AMPH: variants seen among roughly 807,000 people sequenced by gnomAD.
The protein encoded by AMPH is amphiphysin, also known as amphiphysin (Stiff-Mann syndrome with breast cancer 128kD autoantigen).
Under a neutral mutation model 99.1 loss-of-function variants are expected in AMPH, and 49 were observed. That is an observed-to-expected ratio of 0.49 (90% confidence interval 0.39 to 0.63). The LOEUF is 0.63. AMPH is among the 20% of genes least tolerant of loss of function. AMPH has a pLI of 0.00. For missense variants in AMPH, 759 were observed against 863.4 expected (o/e 0.88, Z 1.52); for synonymous variants, 314 against 317.3 (o/e 0.99, Z 0.11).
At chr7:38,615,650 T>C (rs1486966029) in intron 1 of AMPH, among the ~76,000 whole-genome samples, 1 of 152,182 alleles carries the variant, frequency 6.6e-6, no homozygotes, top group Non-Finnish European at 1.5e-5. Context: ...ACAGTCCTTA[T>C]GCCCCACTGA....
chr7:38,627,387 CAA>C (rs70977419), intron 1 of AMPH, among the ~76,000 whole-genome samples: 3 of 116,932 alleles, frequency 2.6e-5, no homozygotes, highest in Non-Finnish European at 3.4e-5. Flanking sequence ...ACTAAAAATA[CAA>C]AAAAAAAAAA....
In AMPH at chr7:38,428,383, A is replaced by C. The variant is rs917141161; in HGVS notation, c.1183-1397T>G. On this transcript the variant is annotated intron_variant, in intron 14 of 20. Transcript: ENST00000356264. ...AGTGAACTTTCTGCCTTACATGAAC[A>C]TAAATCTCTTCTGTTTGCATCTCTT... The C allele has an allele frequency of 1.3e-5, 6 of 456,568 alleles. No individual in the cohort carries two copies. The Admixed American group carries it at 1.4e-4, about 11-fold the overall frequency. 28.3% of individuals were successfully genotyped at this position (456,568 alleles called of 1,614,324 possible).
At chr7:38,459,688 T>C (rs1306619971) in intron 11 of AMPH, among the ~76,000 whole-genome samples, 1 of 151,934 alleles carries the variant, frequency 6.6e-6, no homozygotes, top group Non-Finnish European at 1.5e-5. Context: ...TATATAAAAA[T>C]CAACTTAAGA....
intron 17 of AMPH, among the ~76,000 whole-genome samples, chr7:38,396,559 G>A (rs73348834): frequency 0.021 from 3,164 of 152,300 alleles, 94 homozygotes; most frequent in African/African-American, 0.072. Flanking sequence ...CTCATGAATT[G>A]TAACAGACAC....
chr7:38,544,742 A>C (rs1790932439), intron 1 of AMPH, among the ~76,000 whole-genome samples: 1 of 152,224 alleles, frequency 6.6e-6, no homozygotes, highest in Admixed American at 6.5e-5. Flanking sequence ...GGAGGATACC[A>C]ACTCTAGGAA....
At chr7:38,405,908 G>A (rs1212742691) in intron 17 of AMPH, among the ~76,000 whole-genome samples, 1 of 152,060 alleles carries the variant, frequency 6.6e-6, no homozygotes, top group Non-Finnish European at 1.5e-5. Flanking sequence ...CCCAACAACT[G>A]CAGAATATAC....
intron 1 of AMPH, among the ~76,000 whole-genome samples, chr7:38,536,886 T>A (rs1374399054): frequency 6.6e-6 from 1 of 152,088 alleles, no homozygotes; most frequent in Non-Finnish European, 1.5e-5. Flanking sequence ...TTGATAAACA[T>A]AAGAAACATG....
intron 17 of AMPH, among the ~76,000 whole-genome samples, chr7:38,402,056 T>G (rs1328086800): frequency 6.6e-6 from 1 of 152,186 alleles, no homozygotes; most frequent in African/African-American, 2.4e-5. Context: ...TTCTCTATAG[T>G]GTTGCTTCTC....
intron 20 of AMPH, among the ~76,000 whole-genome samples, chr7:38,385,676 A>G (rs1784331813): frequency 6.6e-6 from 1 of 151,950 alleles, no homozygotes; most frequent in Non-Finnish European, 1.5e-5. Flanking sequence ...TGTCATATAG[A>G]AGTGCCATCA....
chr7:38,393,062 C>T (rs79876787), intron 18 of AMPH, among the ~76,000 whole-genome samples: 2,075 of 152,280 alleles, frequency 0.014, 52 homozygotes, highest in African/African-American at 0.048. Flanking sequence ...AGAGCACTAA[C>T]ATTCGTCAAC....
intron 5 of AMPH, among the ~76,000 whole-genome samples, chr7:38,486,840 C>G (rs550697458): frequency 2.6e-5 from 4 of 152,078 alleles, no homozygotes; most frequent in Non-Finnish European, 4.4e-5. Flanking sequence ...ATAATCCTTT[C>G]AGTAGATGTA....
intron 13 of AMPH, among the ~76,000 whole-genome samples, chr7:38,431,130 C>T (rs144592198): frequency 2.0e-5 from 3 of 152,276 alleles, no homozygotes; most frequent in East Asian, 3.9e-4. Context: ...CCAATGAGAC[C>T]ACCACAAAGC....
chr7:38,624,169 C>T (rs1394020298), intron 1 of AMPH, among the ~76,000 whole-genome samples: 1 of 152,088 alleles, frequency 6.6e-6, no homozygotes, highest in African/African-American at 2.4e-5. Context: ...AAAGGCAAAT[C>T]AGTACATCGT....
At chr7:38,406,713 C>T (rs796802457) in intron 17 of AMPH, among the ~76,000 whole-genome samples, 2,843 of 110,338 alleles carry the variant, frequency 0.026, 63 homozygotes, top group East Asian at 0.11. Context: ...TCTCTCCTCT[C>T]CTCTCTCTCT....
chr7:38,620,636 A>G (rs1584315070), intron 1 of AMPH, among the ~76,000 whole-genome samples: 1 of 151,838 alleles, frequency 6.6e-6, no homozygotes, highest in African/African-American at 2.4e-5. Context: ...TCCAAATGCA[A>G]TTAAGACTTT....
chr7:38,503,494 G>GC (rs1789213323), intron 3 of AMPH, among the ~76,000 whole-genome samples, 156 bp downstream of exon 3: 2 of 108,076 alleles, frequency 1.9e-5, no homozygotes, highest in East Asian at 4.6e-4. Context: ...GGAATTTGGG[G>GC]CGGGGGGGTG....
chr7:38,586,841 T>C (rs1792668935), intron 1 of AMPH, among the ~76,000 whole-genome samples: 1 of 152,238 alleles, frequency 6.6e-6, no homozygotes. Context: ...ATAGATCTAT[T>C]TTATCTTCAA....
rs1786530642 is a variant in AMPH, at chr7:38,441,779, CATATATCTGTCATATATATCATAT to C, written c.1018-5415_1018-5392del. Among the ~76,000 whole-genome samples, 12 of 135,210 alleles carry C rather than the reference CATATATCTGTCATATATATCATAT, an allele frequency of 8.9e-5. 1 individual carries two copies. The highest frequency in any genetic ancestry group is 3.8e-3 in the Middle Eastern group (1 of 266). The allele number at this position is 135,210 out of a possible 152,430, so 88.7% of individuals were successfully genotyped here. A position where few individuals can be genotyped will look rare whatever the true frequency, so the allele number is the denominator to read the frequency against. Reference sequence around the variant, plus strand: ...TATATATCATATATATGATATATATCATATATCTGTCATATATATCATATATATATCATATATATCATATATCAT... The same window carrying C: ...TATATATCATATATATGATATATATCATATATCATATATATCATATATCAT... On this transcript the variant is annotated intron_variant, in intron 11 of 20. Coordinates refer to ENST00000356264, the MANE Select transcript of AMPH (RefSeq NM_001635.4).
Position 38,503,316 on chromosome 7 carries a change from G to A in AMPH, c.205+334C>T, listed in dbSNP as rs377381571. Among the ~76,000 whole-genome samples the A allele has an allele frequency of 4.6e-5, 7 of 152,284 alleles. 1 individual carries two copies. Among genetic ancestry groups the A allele is most frequent in the African/African-American group, 1.7e-4 (7 of 41,560 alleles). On this transcript the variant is annotated intron_variant, in intron 3 of 20. Coordinates refer to ENST00000356264, the MANE Select transcript of AMPH (RefSeq NM_001635.4). The stretch of plus-strand genomic sequence containing the variant: ...TGTGAGTGCTCCACTCTTGGCATGT[G>A]GTCTCCCTCAGGAGGTAAGCCGGCT...
Sources: allele counts gnomAD v4.1 joint callset (sites outside exome capture counted in the v4.1 genomes callset), GRCh38; gene constraint gnomAD v4.1.1; transcripts MANE v1.5; gene names NCBI Gene and HGNC (gene_info 2026-07-23, HGNC 2026-07-21).